The following VPS54 variants were observed in gnomAD, a reference collection of about 807,000 sequenced individuals.
The protein encoded by VPS54 is VPS54 subunit of GARP complex.
A neutral mutation model predicts 121.5 loss-of-function variants in VPS54; 45 were observed. That is an observed-to-expected ratio of 0.37 (90% CI 0.29 to 0.47). The LOEUF is 0.47. Ranked by LOEUF, VPS54 falls within the 20% of genes least tolerant of loss-of-function variation. VPS54 has a pLI of 0.99. For missense variants in VPS54, 1,090 were observed against 1,131.4 expected (o/e 0.96, Z 0.52); for synonymous variants, 371 against 385.8 (o/e 0.96, Z 0.45).
In VPS54 at chr2:63,892,738, T is replaced by C. The variant is rs1010514532; in HGVS notation, c.*692A>G. The C allele has an allele frequency of 6.6e-6, 1 of 152,040 alleles. No individual in the cohort carries two copies. The highest frequency in any genetic ancestry group is 6.6e-5 in the Admixed American group (1 of 15,226). The allele number at this position is 152,040 out of a possible 1,614,324, so 9.4% of individuals were successfully genotyped here. ...AAATAGATGCCAGGATCTTTTTTTT[T>C]AAGTATTAATTACTTAAAAAAAGGC... On this transcript the variant is annotated 3_prime_UTR_variant, in exon 23 of 23. Coordinates refer to ENST00000272322, the MANE Select transcript of VPS54 (RefSeq NM_016516.3).
chr2:63,932,278 C>G (rs1048974929), intron 12 of VPS54, among the ~76,000 whole-genome samples: 3 of 152,132 alleles, frequency 2.0e-5, no homozygotes, highest in Non-Finnish European at 4.4e-5. Flanking sequence ...CAATGATAGA[C>G]TGGATTAAGA....
chr2:63,941,612 G>C lies in VPS54; in HGVS notation c.1398+853C>G, dbSNP rs369975112. Among the ~76,000 whole-genome samples the C allele has an allele frequency of 9.9e-5, 15 of 152,244 alleles. No individual in the cohort carries two copies. In the East Asian group the frequency reaches 2.1e-3, roughly 22 times the overall value. The stretch of plus-strand genomic sequence containing the variant: ...TCTGACATCTTCTGTAAAATGATAC[G>C]TGACCTGTTCTTTTTGTTATACTAA... On this transcript the variant is annotated intron_variant, in intron 11 of 22. Transcript: ENST00000272322.
chr2:63,952,326 G>T (rs1675291186), intron 7 of VPS54, among the ~76,000 whole-genome samples: 1 of 152,110 alleles, frequency 6.6e-6, no homozygotes, highest in South Asian at 2.1e-4. Context: ...TTAAGTGAAA[G>T]AGTCCAATGG....
At chr2:63,979,931 T>TG (rs376833884) in intron 3 of VPS54, among the ~76,000 whole-genome samples, 4 of 152,240 alleles carry the variant, frequency 2.6e-5, no homozygotes, top group African/African-American at 7.2e-5. Flanking sequence ...CATGAACACT[T>TG]GAAAAAAAAG....
chr2:63,977,660 T>C (rs922983917), intron 3 of VPS54, among the ~76,000 whole-genome samples: 1 of 152,224 alleles, frequency 6.6e-6, no homozygotes, highest in Non-Finnish European at 1.5e-5. Context: ...TTACTTTGAG[T>C]TCCCAGTTTG....
chr2:63,908,463 C>T (rs2104422535), intron 20 of VPS54, among the ~76,000 whole-genome samples: 1 of 152,232 alleles, frequency 6.6e-6, no homozygotes, highest in South Asian at 2.1e-4. Context: ...CAATGATGTT[C>T]TATAACTTGC....
intron 22 of VPS54, among the ~76,000 whole-genome samples, chr2:63,893,992 GAT>G: frequency 6.6e-6 from 1 of 152,244 alleles, no homozygotes; most frequent in South Asian, 2.1e-4. Flanking sequence ...AGCGATACTG[GAT>G]ATTTCTTTAA....
At chr2:63,948,401 G>C (rs1675086056) in intron 8 of VPS54, among the ~76,000 whole-genome samples, 1 of 146,198 alleles carries the variant, frequency 6.8e-6, no homozygotes, top group South Asian at 2.1e-4. Context: ...ATATGATAAT[G>C]ATCACTTTTT....
chr2:63,950,277 G>A (rs985436741), intron 7 of VPS54, among the ~76,000 whole-genome samples: 3 of 152,054 alleles, frequency 2.0e-5, no homozygotes, highest in Non-Finnish European at 4.4e-5. Flanking sequence ...CCAGACTTTC[G>A]TGATGTTCTA....
intron 15 of VPS54, 141 bp from the exon 16 acceptor site, chr2:63,917,104 G>A: frequency 1.2e-6 from 1 of 800,436 alleles, no homozygotes; most frequent in Non-Finnish European, 2.0e-6. Context: ...AAACTATTTG[G>A]CACACAGTAA....
At chr2:63,941,444 C>T (rs1190283537) in intron 11 of VPS54, among the ~76,000 whole-genome samples, 2 of 152,122 alleles carry the variant, frequency 1.3e-5, no homozygotes, top group African/African-American at 4.8e-5. Flanking sequence ...CCAAGCTGGT[C>T]TCAAACTCCT....
chr2:63,993,130 G>A (rs1677407699), intron 1 of VPS54, among the ~76,000 whole-genome samples: 1 of 152,206 alleles, frequency 6.6e-6, no homozygotes, highest in Non-Finnish European at 1.5e-5. Context: ...AAATTCAACA[G>A]ACCACTCCTG....
chr2:63,969,693 T>C (rs1676172042), intron 4 of VPS54, among the ~76,000 whole-genome samples: 1 of 152,054 alleles, frequency 6.6e-6, no homozygotes, highest in African/African-American at 2.4e-5. Context: ...CCCAAAACTA[T>C]CTCCCCGCAA....
At chr2:63,909,196 A>T (rs904863773) in intron 20 of VPS54, among the ~76,000 whole-genome samples, 32 of 152,186 alleles carry the variant, frequency 2.1e-4, no homozygotes, top group African/African-American at 7.0e-4. Flanking sequence ...ATAGTTATTG[A>T]TGTACTTCCC....
chr2:63,976,249 T>G (rs1676521078), intron 3 of VPS54, among the ~76,000 whole-genome samples: 1 of 151,000 alleles, frequency 6.6e-6, no homozygotes, highest in Non-Finnish European at 1.5e-5. Context: ...ACTTGGGGGT[T>G]GCTGAGATGG....
intron 12 of VPS54, among the ~76,000 whole-genome samples, chr2:63,922,933 T>TAA (rs555242935): frequency 7.1e-4 from 102 of 143,914 alleles, no homozygotes; most frequent in African/African-American, 2.4e-3. Flanking sequence ...CTCAAGTCCT[T>TAA]AAAAAAAAAA....
intron 20 of VPS54, 86 bp from the exon 21 acceptor site, chr2:63,899,667 TC>T: frequency 1.9e-6 from 2 of 1,060,490 alleles, no homozygotes; most frequent in East Asian, 4.8e-5. Context: ...ATATTTACTG[TC>T]CCTCCACATA....
At chr2:63,990,105 C>T (rs1323341293) in intron 1 of VPS54, among the ~76,000 whole-genome samples, 1 of 152,184 alleles carries the variant, frequency 6.6e-6, no homozygotes, top group East Asian at 1.9e-4. Context: ...TGACCCCCTA[C>T]AGTTAACACA....
intron 1 of VPS54, among the ~76,000 whole-genome samples, chr2:63,992,011 G>C (rs1303586788): frequency 6.6e-6 from 1 of 152,166 alleles, no homozygotes; most frequent in Non-Finnish European, 1.5e-5. Flanking sequence ...GGTTTGGTGA[G>C]CCTGGTGTTA....
Sources: gnomAD v4.1 joint callset for allele counts (sites outside exome capture counted in the v4.1 genomes callset) on GRCh38, gnomAD v4.1.1 for gene constraint, MANE v1.5 for transcripts, NCBI Gene and HGNC (gene_info 2026-07-23, HGNC 2026-07-21) for gene names.